Variants in RNF19A observed in about 807,000 individuals in gnomAD.
RNF19A encodes E3 ubiquitin-protein ligase RNF19A.
A neutral mutation model predicts 75.7 loss-of-function variants in RNF19A; 32 were observed. That is an observed-to-expected ratio of 0.42 (90% CI 0.32 to 0.57). RNF19A has a LOEUF of 0.57. Among genes scored for constraint, RNF19A ranks in the 20% least tolerant of loss-of-function variants. The pLI is 0.10. For missense variants in RNF19A, 782 were observed against 1,036.3 expected, an observed-to-expected ratio of 0.75 and a Z score of 3.37; for synonymous variants, 335 against 345.2, an observed-to-expected ratio of 0.97 and a Z score of 0.33.
At chr8:100,315,314 A>T (rs7845921) in intron 1 of RNF19A, among the ~76,000 whole-genome samples, 4,510 of 152,282 alleles carry the variant, frequency 0.03, 229 homozygotes, top group African/African-American at 0.1. Flanking sequence ...AGTACATATG[A>T]TATAGACACA....
In RNF19A at chr8:100,275,882, G is replaced by C. The variant is rs1295172247; in HGVS notation, c.675-721C>G. 3.3e-5 allele frequency among the ~76,000 whole-genome samples: 5 copies of C among 152,038 alleles called. No homozygotes were observed. The highest frequency in any genetic ancestry group is 7.4e-5 in the Non-Finnish European group (5 of 68,014). On this transcript the variant is annotated intron_variant, in intron 2 of 9. Coordinates refer to ENST00000341084, the MANE Select transcript of RNF19A (RefSeq NM_183419.4). This position sits in a 1 kb window ranked among gnomAD's most constrained non-coding sequence, Gnocchi z 4.3. ...AATTTATAAATTTTGTGATAATTTT[G>C]TATGTATGCAGAAGTCACACATTTT...
chr8:100,262,839 A>C (rs1404557916), intron 7 of RNF19A, among the ~76,000 whole-genome samples: 1 of 152,192 alleles, frequency 6.6e-6, no homozygotes, highest in Non-Finnish European at 1.5e-5. Flanking sequence ...ATTATGGCTA[A>C]ATATTGAAGG....
chr8:100,263,733 G>GTATT (rs1819835188), intron 7 of RNF19A, among the ~76,000 whole-genome samples: 2 of 152,096 alleles, frequency 1.3e-5, no homozygotes, highest in Admixed American at 6.6e-5. Flanking sequence ...TTTATTAACT[G>GTATT]TATTCCTCTT....
At chr8:100,309,544 C>A (rs1822207364) in intron 1 of RNF19A, 2 of 984,530 alleles carry the variant, frequency 2.0e-6, no homozygotes, top group South Asian at 9.4e-5. Flanking sequence ...CCGGGCCGGC[C>A]GCCGGCCGCA....
rs1821594446 is a variant in RNF19A, at chr8:100,296,983, C to T, written c.-93-8716G>A. ...AGTAACCCATCACATGTATTGAAAA[C>T]AAAAATCATACAAACAAAGGTTAAT... On this transcript the variant is annotated intron_variant, in intron 1 of 9. Transcript: ENST00000341084. 2.0e-5 allele frequency among the ~76,000 whole-genome samples: 3 copies of T among 152,026 alleles called. No individual in the cohort carries two copies. The South Asian group carries it at 6.2e-4, about 32-fold the overall frequency.
intron 1 of RNF19A, chr8:100,309,261 T>C: frequency 1.0e-6 from 1 of 960,282 alleles, no homozygotes; most frequent in Non-Finnish European, 1.2e-6. Context: ...TGTGTAATTT[T>C]TGCTTTTGAA....
upstream of RNF19A, chr8:100,310,201 T>A (rs980327020): frequency 1.0e-5 from 10 of 985,026 alleles, no homozygotes; most frequent in South Asian, 4.7e-5. Flanking sequence ...GTGCTGTGCG[T>A]CATGGCGTCA....
At chr8:100,289,693 G>A (rs1821197885) in intron 1 of RNF19A, among the ~76,000 whole-genome samples, 1 of 152,078 alleles carries the variant, frequency 6.6e-6, no homozygotes, top group African/African-American at 2.4e-5. Context: ...ACTACTCGTG[G>A]GAGTGTAAAA....
At position 100,259,861 on chromosome 8, in the gene RNF19A, A is replaced by G; in HGVS notation, c.1819T>C (p.Leu607=). Residue 607 remains leucine, a synonymous_variant, in exon 9 of 10, where the codon TTG becomes CTG. Coordinates refer to ENST00000341084, the MANE Select transcript of RNF19A (RefSeq NM_183419.4). The surrounding 1 kb of genome is among the most constrained non-coding windows in gnomAD (Gnocchi z 4.5). ...TAACAGTTTTTTCCTTACTTGTCCA[A>G]TGGGATGTAGGAATTCAGAATGGAT... ...AGSILNSYIP[L]DKEGNSMEVQ... is the part of the protein sequence containing the mutation. 25 of 1,610,722 alleles carry G rather than the reference A, an allele frequency of 1.6e-5. No homozygotes were observed. Among genetic ancestry groups the G allele is most frequent in the Non-Finnish European group, 2.0e-5 (23 of 1,178,848 alleles).
intron 1 of RNF19A, among the ~76,000 whole-genome samples, chr8:100,302,729 A>G (rs1821890902): frequency 6.6e-6 from 1 of 152,154 alleles, no homozygotes; most frequent in Non-Finnish European, 1.5e-5. Context: ...GGAGACAGAA[A>G]AGGTGGAAGG....
At chr8:100,304,798 T>G (rs1336524408) in intron 1 of RNF19A, among the ~76,000 whole-genome samples, 2 of 152,294 alleles carry the variant, frequency 1.3e-5, no homozygotes, top group East Asian at 3.9e-4. Context: ...TTCTATCCTG[T>G]TTTTTACACT....
chr8:100,305,609 ACTG>A (rs1469144408), intron 1 of RNF19A, among the ~76,000 whole-genome samples: 1 of 152,250 alleles, frequency 6.6e-6, no homozygotes, highest in African/African-American at 2.4e-5. Flanking sequence ...ATTGGACAAC[ACTG>A]CTGAAGAGAT....
Position 100,264,270 on chromosome 8 carries a change from C to T in RNF19A, c.1307-75G>A. The T allele has an allele frequency of 7.7e-7, 1 of 1,296,956 alleles. No homozygotes were observed. The highest frequency in any genetic ancestry group is 1.4e-5 in the South Asian group (1 of 71,450). 80.3% of individuals were successfully genotyped at this position (1,296,956 alleles called of 1,614,324 possible). A position where few individuals can be genotyped will look rare whatever the true frequency, so the allele number is the denominator to read the frequency against. On this transcript the variant is annotated intron_variant, in intron 6 of 9. Transcript: ENST00000341084. This position sits in a 1 kb window ranked among gnomAD's most constrained non-coding sequence, Gnocchi z 4.7. The stretch of plus-strand genomic sequence containing the variant: ...CACAGAAACATGAGTTTTAGAAAGT[C>T]TTTTCAAGAGAGTCATACAGAGAAA...
chr8:100,274,257 A>C (rs1300953504), intron 3 of RNF19A, among the ~76,000 whole-genome samples: 2 of 152,112 alleles, frequency 1.3e-5, no homozygotes, highest in Non-Finnish European at 2.9e-5. Context: ...GGAGGAGAGG[A>C]ATATCATTTC....
At chr8:100,304,583 A>G (rs561453571) in intron 1 of RNF19A, among the ~76,000 whole-genome samples, 156 of 152,360 alleles carry the variant, frequency 1.0e-3, no homozygotes, top group Non-Finnish European at 1.9e-3. Context: ...ATGCCTATAT[A>G]AAAAGTCCCA....
At chr8:100,319,528 C>CTTTT (rs774604135) in intron 1 of RNF19A, among the ~76,000 whole-genome samples, 3 of 121,988 alleles carry the variant, frequency 2.5e-5, no homozygotes, top group Non-Finnish European at 5.1e-5. Flanking sequence ...ATCTGGTTCA[C>CTTTT]TTTTTTTTTT....
rs530388944 is a variant in RNF19A, at chr8:100,329,985, T to C, written c.-243+6123A>G. 1.1e-4 allele frequency among the ~76,000 whole-genome samples: 16 copies of C among 152,336 alleles called. No individual in the cohort carries two copies. In the East Asian group the frequency reaches 2.9e-3, roughly 27 times the overall value. On this transcript the variant is annotated intron_variant, in intron 1 of 3. Transcript: ENST00000519527. The surrounding 1 kb of genome is among the most constrained non-coding windows in gnomAD (Gnocchi z 4.3). ...TGTTCAAGTAGAGCTTAGATGGTCA[T>C]GTAAGGGATCCTAATTTGTTTTTTT...
chr8:100,327,718 T>G (rs1451251351), intron 1 of RNF19A, among the ~76,000 whole-genome samples: 1 of 152,192 alleles, frequency 6.6e-6, no homozygotes, highest in Non-Finnish European at 1.5e-5. Flanking sequence ...AAATTTCCCT[T>G]TAGGAAAACA....
intron 1 of RNF19A, 146 bp from the exon 2 acceptor site, chr8:100,288,413 C>G: frequency 2.8e-6 from 1 of 356,080 alleles, no homozygotes; most frequent in East Asian, 5.3e-5. Context: ...ATTAAATAGT[C>G]TATAAGAAAC....
Sources: gnomAD v4.1 joint callset for allele counts (sites outside exome capture counted in the v4.1 genomes callset) on GRCh38, gnomAD v4.1.1 for gene constraint, Gnocchi (gnomAD v3.1) non-coding constraint, MANE v1.5 for transcripts, NCBI Gene and HGNC (gene_info 2026-07-23, HGNC 2026-07-21) for gene names.